The following BRDT variants were observed in gnomAD, a reference collection of about 807,000 sequenced individuals.
BRDT encodes bromodomain testis associated.
Under a neutral mutation model 113.9 loss-of-function variants are expected in BRDT, and 77 were observed. The observed-to-expected ratio is 0.68, with a 90% CI of 0.56 to 0.82. The LOEUF is 0.82. Among genes scored for constraint, BRDT ranks in the 40% least tolerant of loss-of-function variants. The pLI is 0.00. For missense variants in BRDT, 1,027 were observed against 1,105.4 expected (o/e 0.93, Z 1.01); for synonymous variants, 358 against 366.5 (o/e 0.98, Z 0.26).
chr1:91,967,454 G>A (rs1683182224), intron 3 of BRDT, among the ~76,000 whole-genome samples: 1 of 148,474 alleles, frequency 6.7e-6, no homozygotes, highest in Non-Finnish European at 1.5e-5. Flanking sequence ...GCTGGAGTGC[G>A]ATGGCACTAT....
chr1:91,977,705 TA>T (rs531587291), intron 6 of BRDT, among the ~76,000 whole-genome samples: 356 of 121,574 alleles, frequency 2.9e-3, no homozygotes, highest in Middle Eastern at 4.2e-3. Flanking sequence ...TCGTCTCTAC[TA>T]AAAAAAAAAA....
intron 13 of BRDT, among the ~76,000 whole-genome samples, chr1:91,992,009 AAAAAAAAAAG>A: frequency 7.0e-6 from 1 of 143,006 alleles, no homozygotes; most frequent in Non-Finnish European, 1.5e-5. Flanking sequence ...AAAAAAAAAA[AAAAAAAAAAG>A]AAAAGAAAAA....
intron 3 of BRDT, among the ~76,000 whole-genome samples, chr1:91,965,845 C>CAAA (rs779461939): frequency 6.8e-6 from 1 of 146,100 alleles, no homozygotes; most frequent in Non-Finnish European, 1.5e-5. Context: ...GACACCTTCT[C>CAAA]AAAAAAAAAA....
chr1:91,984,150 C>G (rs1684982250), intron 12 of BRDT, among the ~76,000 whole-genome samples: 1 of 152,070 alleles, frequency 6.6e-6, no homozygotes, highest in Admixed American at 6.6e-5. Context: ...AATGCAAAGA[C>G]AAATGGGAAA....
At chr1:91,971,688 G>C (rs1683638497) in intron 4 of BRDT, among the ~76,000 whole-genome samples, 1 of 152,190 alleles carries the variant, frequency 6.6e-6, no homozygotes, top group Non-Finnish European at 1.5e-5. Context: ...TATTCTAGTA[G>C]TAAGTGAGAG....
intron 12 of BRDT, among the ~76,000 whole-genome samples, chr1:91,984,684 A>G (rs777135995): frequency 2.2e-4 from 33 of 152,106 alleles, no homozygotes; most frequent in Non-Finnish European, 3.5e-4. Context: ...CGCCCAGGCT[A>G]CAGTGCAGTG....
chr1:91,967,693 C>T (rs1683215071), intron 3 of BRDT, among the ~76,000 whole-genome samples: 1 of 151,900 alleles, frequency 6.6e-6, no homozygotes. Flanking sequence ...CCACCGCGCC[C>T]AGCCTAATTT....
At chr1:91,992,338 A>G in intron 14 of BRDT, 24 bp downstream of exon 14, 1 of 1,480,054 alleles carries the variant, frequency 6.8e-7, no homozygotes, top group East Asian at 2.5e-5. Flanking sequence ...TGTGTTTTAA[A>G]GAACAGGGGA....
intron 16 of BRDT, among the ~76,000 whole-genome samples, chr1:92,002,836 T>G (rs1686978208): frequency 6.6e-6 from 1 of 152,214 alleles, no homozygotes; most frequent in African/African-American, 2.4e-5. Flanking sequence ...AATTATATAC[T>G]GATATCATTC....
chr1:91,955,985 CAAA>C (rs767926093), intron 1 of BRDT, among the ~76,000 whole-genome samples: 2 of 152,058 alleles, frequency 1.3e-5, no homozygotes, highest in Admixed American at 6.6e-5. Context: ...TAAAATAGTA[CAAA>C]AAAACTATAT....
chr1:91,974,589 C>T lies in BRDT; in HGVS notation c.446-1677C>T, dbSNP rs560578048. Among the ~76,000 whole-genome samples the T allele has an allele frequency of 2.0e-5, 3 of 152,334 alleles. No individual in the cohort carries two copies. In the South Asian group the frequency reaches 6.2e-4, roughly 32 times the overall value. On this transcript the variant is annotated intron_variant, in intron 4 of 18. Coordinates refer to ENST00000399546, the MANE Select transcript of BRDT (RefSeq NM_207189.4). ...AATCAAAACCACAATGAGATATCATCTCACACCAGTTAGAATGGCGATCAT... is the reference window on the plus strand; with the variant it reads ...AATCAAAACCACAATGAGATATCATTTCACACCAGTTAGAATGGCGATCAT...
chr1:91,954,776 A>G (rs1398109176), intron 1 of BRDT, among the ~76,000 whole-genome samples: 1 of 151,966 alleles, frequency 6.6e-6, no homozygotes, highest in Non-Finnish European at 1.5e-5. Flanking sequence ...CTTGAGCAGC[A>G]TGGTGAACCC....
intron 15 of BRDT, 74 bp downstream of exon 15, chr1:91,994,328 G>A: frequency 6.7e-6 from 8 of 1,202,838 alleles, no homozygotes; most frequent in South Asian, 5.2e-5. Context: ...AAAATGTTAT[G>A]GTCATCTTAA....
chr1:91,970,970 G>T (rs1471236405), intron 4 of BRDT, among the ~76,000 whole-genome samples: 1 of 149,222 alleles, frequency 6.7e-6, no homozygotes, highest in African/African-American at 2.5e-5. Flanking sequence ...AATTTACAAA[G>T]AAAAGAGGTT....
chr1:92,007,845 T>C (rs1038492448), intron 18 of BRDT, among the ~76,000 whole-genome samples: 1 of 152,348 alleles, frequency 6.6e-6, no homozygotes, highest in Non-Finnish European at 1.5e-5. Flanking sequence ...TATATTTACA[T>C]ATGCAGTTAC....
At chr1:91,964,909 A>AT in intron 3 of BRDT, 145 bp downstream of exon 3, 25 of 396,798 alleles carry the variant, frequency 6.3e-5, no homozygotes, top group South Asian at 1.1e-4. Flanking sequence ...GTGTGTATAT[A>AT]ATTTTTTTTT....
rs1684664201 is a variant in BRDT at position 91,980,964 on chromosome 1, T to C, written c.1536T>C (p.Tyr512=). 1 of 1,613,950 alleles carries C rather than the reference T, an allele frequency of 6.2e-7. No homozygotes were observed. Residue 512 remains tyrosine, a synonymous_variant, in exon 10 of 19, where the codon TAT becomes TAC. Transcript: ENST00000399546. ...EDEDNAKPMN[Y]DEKRQLSLNI... ...AAGATAATGCTAAACCTATGAACTA[T>C]GATGAGAAAAGGCAGTTAAGTCTGA...
chr1:91,974,765 A>G (rs1453478360), intron 4 of BRDT, among the ~76,000 whole-genome samples: 4 of 152,240 alleles, frequency 2.6e-5, no homozygotes, highest in Non-Finnish European at 5.9e-5. Flanking sequence ...CATTTGACCC[A>G]GCCATCCCAT....
rs1432897880 is a variant in BRDT, at chr1:91,980,530, TAAG to T, written c.1288-110_1288-108del. On this transcript the variant is annotated intron_variant, in intron 8 of 18. Coordinates refer to ENST00000399546, the MANE Select transcript of BRDT (RefSeq NM_207189.4). ...AAATAAAAACTTGAAGGAAATGTAA[TAAG>T]AAATGAATTTCACAAAAGACATTCT... 10 of 912,866 alleles carry T rather than the reference TAAG, an allele frequency of 1.1e-5. No homozygotes were observed. In the African/African-American group the frequency reaches 1.7e-4, roughly 16 times the overall value. 56.5% of individuals were successfully genotyped at this position (912,866 alleles called of 1,614,324 possible). A position where few individuals can be genotyped will look rare whatever the true frequency, so the allele number is the denominator to read the frequency against.
Sources: allele counts gnomAD v4.1 joint callset (sites outside exome capture counted in the v4.1 genomes callset), GRCh38; gene constraint gnomAD v4.1.1; transcripts MANE v1.5; gene names NCBI Gene and HGNC (gene_info 2026-07-23, HGNC 2026-07-21).